NOC3L: variants seen among roughly 807,000 people sequenced by gnomAD.
NOC3L encodes the protein nucleolar complex protein 3 homolog.
NOC3L carries 85 observed loss-of-function variants against 102.5 expected under a neutral mutation model. The observed-to-expected ratio is 0.83, with a 90% CI of 0.70 to 0.99. The LOEUF (loss-of-function observed/expected upper bound fraction) is 0.99, where lower values mean the gene tolerates loss of function less well. Among genes scored for constraint, NOC3L ranks in the 50% least tolerant of loss-of-function variants. NOC3L has a pLI of 0.00. For missense variants in NOC3L, 878 were observed against 914.9 expected (o/e 0.96, Z 0.52); for synonymous variants, 303 against 309.4 (o/e 0.98, Z 0.22).
chr10:94,332,421 AAC>A (rs1239790300), downstream of NOC3L: 1 of 152,064 alleles, frequency 6.6e-6, no homozygotes, highest in African/African-American at 2.4e-5. Flanking sequence ...CATAGTGCTA[AAC>A]ACACAGTAGG....
At chr10:94,361,627 T>G (rs1051393265) in intron 2 of NOC3L, 38 bp downstream of exon 2, 25 of 1,578,032 alleles carry the variant, frequency 1.6e-5, no homozygotes, top group Non-Finnish European at 2.1e-5. Context: ...TCAGAATAAA[T>G]CAATGGAAAC....
the NOC3L span, among the ~76,000 whole-genome samples, chr10:94,326,234 C>G: frequency 0.089 from 13,525 of 152,208 alleles, 679 homozygotes; most frequent in East Asian, 0.2. Context: ...GCCTTTATGA[C>G]AATGAGGAAC....
At chr10:94,360,171 C>T (rs1474697850) in intron 2 of NOC3L, among the ~76,000 whole-genome samples, 1 of 152,048 alleles carries the variant, frequency 6.6e-6, no homozygotes, top group East Asian at 1.9e-4. Context: ...CAAAAATCAG[C>T]CAGATGTGGT....
chr10:94,342,480 G>A (rs148601317), intron 13 of NOC3L, among the ~76,000 whole-genome samples: 68 of 151,732 alleles, frequency 4.5e-4, no homozygotes, highest in African/African-American at 1.6e-3. Flanking sequence ...GAAGCAATCT[G>A]ACAATTATTT....
Position 94,346,494 on chromosome 10 carries a change from G to A in NOC3L, c.1320C>T (p.Asp440=). ...TCATAAATTTTTTTGGTTTATTAAT[G>A]TCTTCTGTATCTTTTTTCACTTCTA... ...KEVEVKKDTE[D]INKPKKFMTF... is the part of the protein sequence containing the mutation. Residue 440 remains aspartate (D), a synonymous_variant, in exon 11 of 21, where the codon GAC becomes GAT. Coordinates refer to ENST00000371361, the MANE Select transcript of NOC3L (RefSeq NM_022451.11). 6.7e-7 allele frequency: 1 copy of A among 1,487,892 alleles called. No homozygotes were observed. Among genetic ancestry groups the A allele is most frequent in the Admixed American group, 2.2e-5 (1 of 45,064 alleles). The allele number at this position is 1,487,892 out of a possible 1,614,324, so 92.2% of individuals were successfully genotyped here. A position where few individuals can be genotyped will look rare whatever the true frequency, so the allele number is the denominator to read the frequency against.
At chr10:94,336,605 C>T (rs1457917801) in intron 19 of NOC3L, among the ~76,000 whole-genome samples, 1 of 151,812 alleles carries the variant, frequency 6.6e-6, no homozygotes, top group Non-Finnish European at 1.5e-5. Context: ...GCATCGGCCT[C>T]CCAAAGTGCT....
chr10:94,360,847 A>G (rs2054544435), intron 2 of NOC3L, among the ~76,000 whole-genome samples: 1 of 151,696 alleles, frequency 6.6e-6, no homozygotes, highest in Admixed American at 6.6e-5. Flanking sequence ...CCACAAAATT[A>G]GAAAAAAAAA....
chr10:94,361,943 T>C (rs768192829), intron 1 of NOC3L, 71 bp from the exon 2 acceptor site: 3 of 1,172,150 alleles, frequency 2.6e-6, no homozygotes, highest in Non-Finnish European at 3.7e-6. Flanking sequence ...GAGAACTGAT[T>C]ACAAATTTCA....
At chr10:94,346,594 A>G (rs781110665) in intron 10 of NOC3L, 38 bp from the exon 11 acceptor site, 29 of 1,171,680 alleles carry the variant, frequency 2.5e-5, no homozygotes, top group Non-Finnish European at 3.1e-5. Flanking sequence ...ACAGCTTAAT[A>G]TTTATATTGC....
chr10:94,334,189 T>A lies in NOC3L; in HGVS notation c.2391A>T (p.Thr797=). The A allele has an allele frequency of 1.4e-6, 2 of 1,433,214 alleles. No homozygotes were observed. The highest frequency in any genetic ancestry group is 2.0e-6 in the Non-Finnish European group (2 of 1,015,876). 88.8% of individuals were successfully genotyped at this position (1,433,214 alleles called of 1,614,324 possible). ...SPLDFTKYLK[T]SLH is the part of the protein sequence containing the mutation. ...CTTCATTCCTCTACTAGTGTAGTGATGTTTTCAAATATTTCGTGAAATCCA... is the reference window on the plus strand; with the variant it reads ...CTTCATTCCTCTACTAGTGTAGTGAAGTTTTCAAATATTTCGTGAAATCCA... The change falls in exon 21 of 21, where the codon ACA becomes ACT. Residue 797 remains threonine (T), a synonymous_variant. Coordinates refer to ENST00000371361, the MANE Select transcript of NOC3L (RefSeq NM_022451.11).
At chr10:94,320,982 G>A in the NOC3L span, among the ~76,000 whole-genome samples, 1 of 152,076 alleles carries the variant, frequency 6.6e-6, no homozygotes, top group Non-Finnish European at 1.5e-5. Flanking sequence ...TTATTGATAC[G>A]CTTCTGTACT....
rs543143474 is a variant in NOC3L, at chr10:94,352,637, C to A, written c.859-234G>T. Among the ~76,000 whole-genome samples the A allele has an allele frequency of 3.9e-5, 6 of 152,112 alleles. 1 individual carries two copies. The highest frequency in any genetic ancestry group is 6.8e-3 in the Middle Eastern group (2 of 294). On this transcript the variant is annotated intron_variant, in intron 7 of 20. Transcript: ENST00000371361. Reference sequence around the variant, plus strand: ...AGGTGTTTGAGACCAGCCTGGCCAACGTGGGGAAACCCCGTCTCTACTAAA... The same window carrying A: ...AGGTGTTTGAGACCAGCCTGGCCAAAGTGGGGAAACCCCGTCTCTACTAAA...
chr10:94,356,786 T>C (rs890988994), intron 4 of NOC3L, among the ~76,000 whole-genome samples, 195 bp from the exon 5 acceptor site: 2 of 152,182 alleles, frequency 1.3e-5, no homozygotes, highest in Non-Finnish European at 2.9e-5. Context: ...GTCTGAATAG[T>C]AGTTTTATAG....
In NOC3L at chr10:94,333,497, T is replaced by A. The variant is rs1309429502; in HGVS notation, c.*680A>T. 6.6e-6 allele frequency: 1 copy of A among 152,162 alleles called. No homozygotes were observed. Among genetic ancestry groups the A allele is most frequent in the Admixed American group, 6.5e-5 (1 of 15,270 alleles). 9.4% of individuals were successfully genotyped at this position (152,162 alleles called of 1,614,324 possible). ...CTACCCTGGAGCAATTCTTCCCCAG[T>A]CACCCTCCAGGGAATGTCAGAAAAC... On this transcript the variant is annotated 3_prime_UTR_variant, in exon 21 of 21. Coordinates refer to ENST00000371361, the MANE Select transcript of NOC3L (RefSeq NM_022451.11).
At chr10:94,317,518 C>T in the NOC3L span, among the ~76,000 whole-genome samples, 2 of 152,142 alleles carry the variant, frequency 1.3e-5, no homozygotes. Flanking sequence ...CTAATAGAAG[C>T]TTCCATGCTT....
rs969815711 is a variant in NOC3L at position 94,351,605 on chromosome 10, G to A, written c.952+705C>T. Among the ~76,000 whole-genome samples the A allele has an allele frequency of 2.0e-4, 30 of 152,136 alleles. 1 individual carries two copies. The highest frequency in any genetic ancestry group is 4.2e-4 in the South Asian group (2 of 4,816). On this transcript the variant is annotated intron_variant, in intron 8 of 20. Transcript: ENST00000371361. ...TGCAGTGGCATAATCATAGCTCACC[G>A]CAGGCTCAAACTTCTGGACTCAAGT...
intron 16 of NOC3L, 101 bp from the exon 17 acceptor site, chr10:94,340,021 C>T (rs1351480490): frequency 2.9e-6 from 3 of 1,036,984 alleles, no homozygotes; most frequent in Non-Finnish European, 4.2e-6. Flanking sequence ...TTGTACCTGT[C>T]CCAAACCATT....
chr10:94,352,747 G>A lies in NOC3L; in HGVS notation c.858+149C>T, dbSNP rs11596591. 1,307 of 661,690 alleles carry A rather than the reference G, an allele frequency of 2.0e-3. 3 individuals are homozygous for A. The highest frequency in any genetic ancestry group is 2.6e-3 in the Non-Finnish European group (1,026 of 393,166). The allele number at this position is 661,690 out of a possible 1,614,324, so 41.0% of individuals were successfully genotyped here. ...TGAGGCAGGAGAATCACTTGAACCC[G>A]GAAGGCAGAGGTTGCAGTGAGCCAA... is the stretch of plus-strand genomic sequence containing the variant. On this transcript the variant is annotated intron_variant, in intron 7 of 20. Coordinates refer to ENST00000371361, the MANE Select transcript of NOC3L (RefSeq NM_022451.11).
At chr10:94,339,682 CA>C (rs991642363) in intron 17 of NOC3L, 56 bp downstream of exon 17, 69 of 1,417,744 alleles carry the variant, frequency 4.9e-5, no homozygotes, top group South Asian at 9.6e-5. Context: ...ATGCCTCAAA[CA>C]AAAAAAATCA....
Sources: gnomAD v4.1 joint callset for allele counts (sites outside exome capture counted in the v4.1 genomes callset) on GRCh38, gnomAD v4.1.1 for gene constraint, MANE v1.5 for transcripts, NCBI Gene and HGNC (gene_info 2026-07-23, HGNC 2026-07-21) for gene names.